The following DOCK8 variants were observed in gnomAD, a reference collection of about 807,000 sequenced individuals.
The protein encoded by DOCK8 is dedicator of cytokinesis 8.
DOCK8 carries 141 observed loss-of-function variants against 245.6 expected under a neutral mutation model. That is an observed-to-expected ratio of 0.57 (90% CI 0.50 to 0.66). The LOEUF is 0.66. DOCK8 is among the 30% of genes least tolerant of loss of function. DOCK8 has a pLI of 0.00. For missense variants in DOCK8, 2,965 were observed against 2,603.4 expected (o/e 1.14, Z -3.02); for synonymous variants, 1,168 against 970.2 (o/e 1.20, Z -3.79).
intron 37 of DOCK8, among the ~76,000 whole-genome samples, chr9:432,953 C>A (rs1455070194): frequency 6.6e-6 from 1 of 152,202 alleles, no homozygotes; most frequent in Admixed American, 6.5e-5. Context: ...TCTTTTAACT[C>A]CAGCTCCTAG....
At chr9:220,131 G>C (rs558476354) in intron 1 of DOCK8, among the ~76,000 whole-genome samples, 1 of 152,198 alleles carries the variant, frequency 6.6e-6, no homozygotes, top group Non-Finnish European at 1.5e-5. Flanking sequence ...TTATTTGTCT[G>C]ATGTGTTCTA....
intron 14 of DOCK8, among the ~76,000 whole-genome samples, chr9:346,475 C>T: frequency 6.6e-6 from 1 of 152,168 alleles, no homozygotes; most frequent in East Asian, 1.9e-4. Context: ...TCCCTGCCGT[C>T]CCTTTAATGG....
At chr9:216,537 CA>C (rs59529982) in intron 1 of DOCK8, among the ~76,000 whole-genome samples, 38,847 of 89,042 alleles carry the variant, frequency 0.44, 6,694 homozygotes, top group Middle Eastern at 0.54. Flanking sequence ...AAAAAACAGA[CA>C]AAAAAAAAAA....
chr9:442,947 G>T (rs1312959339), intron 42 of DOCK8, among the ~76,000 whole-genome samples: 1 of 152,200 alleles, frequency 6.6e-6, no homozygotes, highest in Non-Finnish European at 1.5e-5. Flanking sequence ...TGCCCAGGGT[G>T]GCTGGGTGAG....
chr9:394,797 C>T (rs1357349324), intron 24 of DOCK8, among the ~76,000 whole-genome samples: 1 of 152,222 alleles, frequency 6.6e-6, no homozygotes, highest in East Asian at 1.9e-4. Flanking sequence ...CTCAACAGGG[C>T]CAGGCCTCCA....
intron 31 of DOCK8, 27 bp from the exon 32 acceptor site, chr9:420,922 A>G (rs1586982037): frequency 1.2e-6 from 2 of 1,614,166 alleles, no homozygotes; most frequent in South Asian, 1.1e-5. Flanking sequence ...ACCAAAGGAC[A>G]TGTCCTCCTA....
At position 400,880 on chromosome 9, in the gene DOCK8, TCCACCACCAC is replaced by T. The variant is rs1564016076; in HGVS notation, c.3234+1623_3234+1632del. ...CACCTCCTCCACCATCACCACCACC[TCCACCACCAC>T]CACCTCCCCCACTACCAACAGCTCC... On this transcript the variant is annotated intron_variant, in intron 26 of 47. Transcript: ENST00000432829. Among the ~76,000 whole-genome samples, 19 of 36,720 alleles carry T rather than the reference TCCACCACCAC, an allele frequency of 5.2e-4. 2 individuals are homozygous for T. Among genetic ancestry groups the T allele is most frequent in the Admixed American group, 1.2e-3 (4 of 3,282 alleles). 24.1% of individuals were successfully genotyped at this position (36,720 alleles called of 152,430 possible). A position where few individuals can be genotyped will look rare whatever the true frequency, so the allele number is the denominator to read the frequency against.
At chr9:333,554 T>C (rs2051149970) in intron 10 of DOCK8, among the ~76,000 whole-genome samples, 1 of 150,998 alleles carries the variant, frequency 6.6e-6, no homozygotes, top group Non-Finnish European at 1.5e-5. Context: ...TGAGCCGAGA[T>C]CGTGCCACTG....
At chr9:314,265 CT>C (rs1423743177) in intron 6 of DOCK8, 1 of 152,154 alleles carries the variant, frequency 6.6e-6, no homozygotes, top group Admixed American at 6.5e-5. Flanking sequence ...CTGATTTGGC[CT>C]TTACTTTCCT....
At chr9:312,589 C>T in intron 6 of DOCK8, 1 of 367,614 alleles carries the variant, frequency 2.7e-6, no homozygotes, top group South Asian at 2.1e-5. Context: ...TTTTAATGGT[C>T]TCTATGAGCA....
chr9:291,314 G>A (rs1050824252), intron 4 of DOCK8, among the ~76,000 whole-genome samples: 4 of 151,946 alleles, frequency 2.6e-5, no homozygotes, highest in African/African-American at 9.7e-5. Flanking sequence ...GACTCTTTTT[G>A]GAATACTCGT....
Position 352,641 on chromosome 9 carries a change from G to A in DOCK8, c.1679+12320G>A, listed in dbSNP as rs1219400885. On this transcript the variant is annotated intron_variant, in intron 14 of 47. Coordinates refer to ENST00000432829, the MANE Select transcript of DOCK8 (RefSeq NM_203447.4). ...ACCTGTAATCCCAGCTACTTGGGAGGCTGGGGCAGGAGAATCGCTTGAACT... is the reference window on the plus strand; with the variant it reads ...ACCTGTAATCCCAGCTACTTGGGAGACTGGGGCAGGAGAATCGCTTGAACT... 3.3e-5 allele frequency among the ~76,000 whole-genome samples: 5 copies of A among 151,892 alleles called. No homozygotes were observed. In the Middle Eastern group the frequency reaches 0.01, roughly 310 times the overall value.
intron 5 of DOCK8, among the ~76,000 whole-genome samples, chr9:305,092 T>G (rs2049756215): frequency 6.6e-6 from 1 of 152,166 alleles, no homozygotes; most frequent in Admixed American, 6.5e-5. Context: ...ACTAACTCTC[T>G]AACTTCAAGC....
At chr9:348,753 G>A (rs1000930861) in intron 14 of DOCK8, among the ~76,000 whole-genome samples, 2 of 152,294 alleles carry the variant, frequency 1.3e-5, no homozygotes, top group Admixed American at 1.3e-4. Flanking sequence ...GTCCTTTGAA[G>A]TGGCTTCTTC....
At chr9:292,961 C>G (rs1310988013) in intron 4 of DOCK8, among the ~76,000 whole-genome samples, 3 of 151,988 alleles carry the variant, frequency 2.0e-5, no homozygotes, top group Non-Finnish European at 4.4e-5. Context: ...CAATGGTTAC[C>G]CATATATTTA....
At chr9:448,485 A>C (rs1052699959) in intron 44 of DOCK8, among the ~76,000 whole-genome samples, 1 of 152,230 alleles carries the variant, frequency 6.6e-6, no homozygotes, top group African/African-American at 2.4e-5. Flanking sequence ...TGTAGAACAA[A>C]GTTCCATAGA....
chr9:371,397 G>A, intron 16 of DOCK8, 31 bp from the exon 17 acceptor site: 1 of 1,613,946 alleles, frequency 6.2e-7, no homozygotes, highest in South Asian at 1.1e-5. Flanking sequence ...CTTGCTAAAA[G>A]TTATTTGTGT....
chr9:429,824 C>G lies in DOCK8; in HGVS notation c.4596C>G (p.Leu1532=). The G allele has an allele frequency of 6.2e-7, 1 of 1,614,172 alleles. No individual in the cohort carries two copies. The highest frequency in any genetic ancestry group is 1.3e-5 in the African/African-American group (1 of 75,060). The change falls in exon 36 of 48, where the codon CTC becomes CTG. Residue 1532 remains leucine, a synonymous_variant. Coordinates refer to ENST00000432829, the MANE Select transcript of DOCK8 (RefSeq NM_203447.4). The stretch of plus-strand genomic sequence containing the variant: ...GCCAAGCCTGTGCCACCCTTTACCT[C>G]CTCATGAGGTTCAGTTTTGGAGCCA... ...TRSQACATLY[L]LMRFSFGATS...
chr9:324,942 C>T (rs1400113711), intron 7 of DOCK8, among the ~76,000 whole-genome samples: 4 of 151,812 alleles, frequency 2.6e-5, no homozygotes, highest in African/African-American at 7.3e-5. Context: ...TACATTGTAC[C>T]CAGTATGTAG....
Sources: gnomAD v4.1 joint callset for allele counts (sites outside exome capture counted in the v4.1 genomes callset) on GRCh38, gnomAD v4.1.1 for gene constraint, MANE v1.5 for transcripts, NCBI Gene and HGNC (gene_info 2026-07-23, HGNC 2026-07-21) for gene names.